The following C13orf42 variants were observed in gnomAD, a reference collection of about 807,000 sequenced individuals.
C13orf42 encodes the protein uncharacterized protein C13orf42.
rs1373759385 is a variant in C13orf42 at position 51,082,354 on chromosome 13, G to A, written c.*1797C>T. On this transcript the variant is annotated 3_prime_UTR_variant, in exon 4 of 4. Coordinates refer to ENST00000563710, the MANE Select transcript of C13orf42 (RefSeq NM_001351589.3). ...CATACAAAACAAAGCAAAATAAGAC[G>A]GCACAGCTTCATGTGCCATAAGCAA... The A allele has an allele frequency of 2.6e-5, 4 of 151,988 alleles. No homozygotes were observed. The highest frequency in any genetic ancestry group is 7.3e-5 in the African/African-American group (3 of 41,358). The allele number at this position is 151,988 out of a possible 1,614,324, so 9.4% of individuals were successfully genotyped here. A position where few individuals can be genotyped will look rare whatever the true frequency, so the allele number is the denominator to read the frequency against.
intron 1 of C13orf42, among the ~76,000 whole-genome samples, chr13:51,145,729 CCATTTAT>C (rs1953729137): frequency 2.5e-5 from 1 of 39,632 alleles, no homozygotes; most frequent in Admixed American, 2.6e-4. Context: ...AAGAATATAA[CCATTTAT>C]GTATCACCCA....
chr13:51,119,525 T>C (rs1953516846), intron 1 of C13orf42, among the ~76,000 whole-genome samples: 1 of 152,176 alleles, frequency 6.6e-6, no homozygotes, highest in Non-Finnish European at 1.5e-5. Flanking sequence ...AACAGATGCA[T>C]AGATAACCAA....
chr13:51,164,807 A>C (rs888381323), intron 1 of C13orf42, among the ~76,000 whole-genome samples: 7 of 152,260 alleles, frequency 4.6e-5, no homozygotes, highest in African/African-American at 1.7e-4. Context: ...TGAGGATGAC[A>C]TTAGCCAGAG....
chr13:51,104,413 G>A (rs534049593), intron 1 of C13orf42, among the ~76,000 whole-genome samples: 11 of 152,278 alleles, frequency 7.2e-5, no homozygotes, highest in Middle Eastern at 3.4e-3. Flanking sequence ...TACATGGAGC[G>A]TGGTGGCTCA....
chr13:51,165,287 T>C (rs1245129159), intron 1 of C13orf42, among the ~76,000 whole-genome samples: 1 of 152,238 alleles, frequency 6.6e-6, no homozygotes, highest in Non-Finnish European at 1.5e-5. Context: ...TCAGTTAAAG[T>C]AGCCACTCTT....
At chr13:51,141,079 G>T (rs1953691755) in intron 1 of C13orf42, among the ~76,000 whole-genome samples, 1 of 142,266 alleles carries the variant, frequency 7.0e-6, no homozygotes. Context: ...TAATTAAAAG[G>T]CTAACATCGA....
At chr13:51,144,252 T>C (rs999252329) in intron 1 of C13orf42, among the ~76,000 whole-genome samples, 2 of 152,196 alleles carry the variant, frequency 1.3e-5, no homozygotes, top group Non-Finnish European at 2.9e-5. Context: ...TCAAGCAGAA[T>C]AGGAATTAAC....
At chr13:51,126,763 T>C (rs533560164) in intron 1 of C13orf42, among the ~76,000 whole-genome samples, 14 of 152,194 alleles carry the variant, frequency 9.2e-5, no homozygotes, top group African/African-American at 3.4e-4. Context: ...CTGGGGGAGA[T>C]GGTTGCCAGT....
intron 1 of C13orf42, among the ~76,000 whole-genome samples, chr13:51,104,610 T>C (rs1201168665): frequency 3.9e-5 from 6 of 152,206 alleles, no homozygotes; most frequent in South Asian, 2.1e-4. Flanking sequence ...GTAAAAGTTA[T>C]GTTACATTTA....
chr13:51,095,390 A>G (rs546605112), intron 1 of C13orf42, among the ~76,000 whole-genome samples: 1 of 151,902 alleles, frequency 6.6e-6, no homozygotes, highest in South Asian at 2.1e-4. Context: ...AATTTGGGGG[A>G]AAATCTCAGC....
chr13:51,084,700 G>C (rs966525326), intron 3 of C13orf42, among the ~76,000 whole-genome samples: 5 of 152,226 alleles, frequency 3.3e-5, no homozygotes, highest in African/African-American at 4.8e-5. Flanking sequence ...GACAGGCAAG[G>C]CCCTGCAGCA....
intron 1 of C13orf42, among the ~76,000 whole-genome samples, chr13:51,151,465 T>C (rs538599521): frequency 2.8e-4 from 43 of 152,310 alleles, no homozygotes; most frequent in African/African-American, 9.9e-4. Context: ...TGCGGACACC[T>C]TGATTTTTAG....
intron 1 of C13orf42, among the ~76,000 whole-genome samples, chr13:51,131,525 A>G (rs929628000): frequency 1.3e-5 from 2 of 152,226 alleles, no homozygotes; most frequent in Non-Finnish European, 2.9e-5. Context: ...TATCTGGGAA[A>G]AGGCCTAAGA....
At chr13:51,166,061 T>C (rs1953899856) in intron 1 of C13orf42, among the ~76,000 whole-genome samples, 1 of 152,202 alleles carries the variant, frequency 6.6e-6, no homozygotes, top group Non-Finnish European at 1.5e-5. Context: ...AGTTATTTAC[T>C]GAATACCTAC....
intron 1 of C13orf42, among the ~76,000 whole-genome samples, chr13:51,105,210 G>A (rs1593534976): frequency 6.6e-6 from 1 of 152,228 alleles, no homozygotes; most frequent in Non-Finnish European, 1.5e-5. Flanking sequence ...GCTCAGCTAA[G>A]CTGCCAATCC....
Position 51,127,013 on chromosome 13 carries a change from C to A in C13orf42, n.137-13791G>T, listed in dbSNP as rs535034096. ...AACCCTTCTCTACAGAAAAGAAATA[C>A]AAAAAGAGCTGGGCGTGGTGGCAGG... On this transcript the variant is annotated intron_variant and non_coding_transcript_variant, in intron 1 of 4. Transcript: ENST00000433280. Among the ~76,000 whole-genome samples the A allele has an allele frequency of 2.6e-5, 4 of 152,016 alleles. No homozygotes were observed. The South Asian group carries it at 8.3e-4, about 32-fold the overall frequency.
At chr13:51,125,628 C>G (rs1274221741) in intron 1 of C13orf42, among the ~76,000 whole-genome samples, 1 of 152,178 alleles carries the variant, frequency 6.6e-6, no homozygotes. Context: ...TGAAGAATCA[C>G]TCAGGTCACT....
intron 2 of C13orf42, among the ~76,000 whole-genome samples, chr13:51,087,390 TC>T (rs1953139428): frequency 6.6e-6 from 1 of 152,220 alleles, no homozygotes; most frequent in Admixed American, 6.5e-5. Context: ...TTTGTCCATT[TC>T]ATTTCTTTTT....
intron 1 of C13orf42, among the ~76,000 whole-genome samples, chr13:51,105,749 A>G (rs538697242): frequency 1.2e-4 from 18 of 152,160 alleles, no homozygotes; most frequent in East Asian, 1.2e-3. Context: ...TGATTTTCCA[A>G]TTTCTGGTGC....
Sources: gnomAD v4.1 joint callset for allele counts (sites outside exome capture counted in the v4.1 genomes callset) on GRCh38, gnomAD v4.1.1 for gene constraint, MANE v1.5 for transcripts, NCBI Gene and HGNC (gene_info 2026-07-23, HGNC 2026-07-21) for gene names.